The following TMIGD3 variants were observed in gnomAD, a reference collection of about 807,000 sequenced individuals.
The protein encoded by TMIGD3 is transmembrane and immunoglobulin domain containing 3.
In TMIGD3, 21 loss-of-function variants were observed where a neutral mutation model predicts 28.1. That is an observed-to-expected ratio of 0.75 (90% CI 0.53 to 1.08). The LOEUF is 1.08. Ranked by LOEUF, TMIGD3 falls within the 50% of genes least tolerant of loss-of-function variation. The probability of loss-of-function intolerance (pLI) is 0.00; values close to 1 mark genes in which losing one functional copy is unlikely to be tolerated. For missense variants in TMIGD3, 416 were observed against 435.6 expected, an observed-to-expected ratio of 0.96 and a Z score of 0.40; for synonymous variants, 151 against 162.1, an observed-to-expected ratio of 0.93 and a Z score of 0.52.
In TMIGD3 at chr1:111,503,486, T is replaced by C; in HGVS notation, c.-132A>G. 1 of 1,453,840 alleles carries C rather than the reference T, an allele frequency of 6.9e-7. No individual in the cohort carries two copies. Among genetic ancestry groups the C allele is most frequent in the Non-Finnish European group, 9.1e-7 (1 of 1,102,906 alleles). 90.1% of individuals were successfully genotyped at this position (1,453,840 alleles called of 1,614,324 possible). On this transcript the variant is annotated 5_prime_UTR_variant, in exon 1 of 6. Coordinates refer to ENST00000369716, the MANE Select transcript of TMIGD3 (RefSeq NM_020683.7). ...CAGTGACAGTCTAAAATTCCCAACT[T>C]GCTCATTCCTACCCTTTTCTGGTGG... is the stretch of plus-strand genomic sequence containing the variant.
intron 1 of TMIGD3, among the ~76,000 whole-genome samples, chr1:111,542,976 C>A (rs12072974): frequency 6.6e-5 from 10 of 152,082 alleles, no homozygotes; most frequent in African/African-American, 2.4e-4. Flanking sequence ...GGATTACAAG[C>A]GTGAGTGAGC....
upstream of TMIGD3, among the ~76,000 whole-genome samples, chr1:111,507,941 C>T (rs901909096): frequency 3.9e-5 from 6 of 152,230 alleles, no homozygotes; most frequent in African/African-American, 1.4e-4. Flanking sequence ...TGGGCTTTCC[C>T]GCGCCGGGGG....
intron 1 of TMIGD3, among the ~76,000 whole-genome samples, chr1:111,509,022 G>A (rs1157277890): frequency 6.6e-6 from 1 of 152,248 alleles, no homozygotes; most frequent in Non-Finnish European, 1.5e-5. Flanking sequence ...TTGAACCCGG[G>A]AGGCGGAGGT....
At chr1:111,490,033 C>T (rs1462296569) in intron 2 of TMIGD3, among the ~76,000 whole-genome samples, 4 of 152,216 alleles carry the variant, frequency 2.6e-5, no homozygotes, top group Admixed American at 2.6e-4. Flanking sequence ...CGTAACAACC[C>T]CACAAGGAAG....
chr1:111,517,653 A>T (rs1170481916), intron 1 of TMIGD3, among the ~76,000 whole-genome samples: 1 of 152,204 alleles, frequency 6.6e-6, no homozygotes, highest in African/African-American at 2.4e-5. Flanking sequence ...TCACATCTGT[A>T]AAGTGAGACT....
chr1:111,557,949 G>C (rs562922260), intron 1 of TMIGD3, among the ~76,000 whole-genome samples: 1 of 152,126 alleles, frequency 6.6e-6, no homozygotes, highest in East Asian at 1.9e-4. Context: ...TGCATGTTAA[G>C]ATTTCTAGAG....
intron 1 of TMIGD3, among the ~76,000 whole-genome samples, chr1:111,519,683 A>G (rs143358405): frequency 2.0e-5 from 3 of 150,236 alleles, no homozygotes; most frequent in African/African-American, 7.3e-5. Flanking sequence ...CCCCGAGCTT[A>G]GTGCCTTTTC....
intron 1 of TMIGD3, among the ~76,000 whole-genome samples, chr1:111,530,318 T>C (rs1364776177): frequency 6.6e-6 from 1 of 152,220 alleles, no homozygotes; most frequent in African/African-American, 2.4e-5. Context: ...CAATATAATG[T>C]TATTGTTTTT....
At chr1:111,548,931 A>G (rs554386488) in intron 1 of TMIGD3, among the ~76,000 whole-genome samples, 1 of 152,332 alleles carries the variant, frequency 6.6e-6, no homozygotes, top group African/African-American at 2.4e-5. Flanking sequence ...GCCTCAATCT[A>G]GATCTTGTTC....
chr1:111,490,601 GTCT>G (rs1221803856), intron 2 of TMIGD3, 52 bp downstream of exon 2: 6 of 1,389,216 alleles, frequency 4.3e-6, no homozygotes, highest in Non-Finnish European at 5.1e-6. Flanking sequence ...TCAGTGCAAA[GTCT>G]CTGGAAAGGC....
At chr1:111,517,243 C>A (rs1655901268) in intron 1 of TMIGD3, among the ~76,000 whole-genome samples, 2 of 152,294 alleles carry the variant, frequency 1.3e-5, no homozygotes, top group South Asian at 4.1e-4. Context: ...GGCTATCAGG[C>A]CTCAGACATT....
chr1:111,499,809 T>C (rs1655069439), intron 1 of TMIGD3: 3 of 1,490,384 alleles, frequency 2.0e-6, no homozygotes, highest in South Asian at 2.8e-5. Flanking sequence ...GGAGATATAA[T>C]TGGGGAGCAC....
chr1:111,487,741 G>A (rs149136954), intron 3 of TMIGD3, among the ~76,000 whole-genome samples: 115 of 152,262 alleles, frequency 7.6e-4, no homozygotes, highest in African/African-American at 2.6e-3. Flanking sequence ...AATATAAACT[G>A]CACATTCCTT....
chr1:111,547,658 C>G (rs374331595), intron 1 of TMIGD3, among the ~76,000 whole-genome samples: 1 of 152,094 alleles, frequency 6.6e-6, no homozygotes, highest in African/African-American at 2.4e-5. Context: ...GTGCCTTTTA[C>G]AGATTTTTTA....
intron 1 of TMIGD3, chr1:111,500,759 C>T (rs1411141136): frequency 1.7e-6 from 1 of 579,580 alleles, no homozygotes; most frequent in African/African-American, 1.9e-5. Flanking sequence ...GATGAGCAGA[C>T]AACGATTGGA....
At chr1:111,483,804 T>C (rs747426605) in intron 5 of TMIGD3, 47 bp from the exon 6 acceptor site, 2 of 1,485,498 alleles carry the variant, frequency 1.3e-6, no homozygotes, top group South Asian at 1.1e-5. Flanking sequence ...ATCTATTGCC[T>C]ACCCCTGAAG....
At chr1:111,558,915 G>T (rs963756057) in intron 1 of TMIGD3, among the ~76,000 whole-genome samples, 1 of 152,044 alleles carries the variant, frequency 6.6e-6, no homozygotes, top group Non-Finnish European at 1.5e-5. Flanking sequence ...TATGTAAAAC[G>T]TAGTAACAAG....
At chr1:111,505,213 C>T (rs914741664), upstream of TMIGD3, among the ~76,000 whole-genome samples, 2 of 152,094 alleles carry the variant, frequency 1.3e-5, no homozygotes, top group African/African-American at 2.4e-5. Context: ...ACCCTCCCTC[C>T]CCTACCCCAG....
chr1:111,531,982 G>T (rs1169705115), intron 1 of TMIGD3, among the ~76,000 whole-genome samples: 1 of 152,086 alleles, frequency 6.6e-6, no homozygotes, highest in Non-Finnish European at 1.5e-5. Flanking sequence ...TGCGACTGTT[G>T]GTCTAAGGCT....
Sources: allele counts gnomAD v4.1 joint callset (sites outside exome capture counted in the v4.1 genomes callset), GRCh38; gene constraint gnomAD v4.1.1; transcripts MANE v1.5; gene names NCBI Gene and HGNC (gene_info 2026-07-23, HGNC 2026-07-21).